The following KCNT2 variants were observed in gnomAD, a reference collection of about 807,000 sequenced individuals.
The protein encoded by KCNT2 is potassium sodium-activated channel subfamily T member 2, also known as potassium channel subfamily T member 2.
In KCNT2, 67 loss-of-function variants were observed where a neutral mutation model predicts 153.8. That is an observed-to-expected ratio of 0.44 (90% CI 0.36 to 0.53). The LOEUF is 0.53. KCNT2 is among the 20% of genes least tolerant of loss of function. The pLI is 0.00. For missense variants in KCNT2, 975 were observed against 1,354.8 expected (o/e 0.72, Z 4.40); for synonymous variants, 500 against 458.8 (o/e 1.09, Z -1.15).
At chr1:196,511,128 C>G (rs1216331375) in intron 1 of KCNT2, among the ~76,000 whole-genome samples, 1 of 147,768 alleles carries the variant, frequency 6.8e-6, no homozygotes, top group African/African-American at 2.5e-5. Context: ...CACACACACA[C>G]ACACACACAC....
chr1:196,515,585 T>G (rs1045796507), intron 1 of KCNT2, among the ~76,000 whole-genome samples: 3 of 152,152 alleles, frequency 2.0e-5, no homozygotes, highest in African/African-American at 7.2e-5. Flanking sequence ...TGTAAAGCAA[T>G]TTTACTTTAA....
At chr1:196,584,871 C>T (rs995807095) in intron 1 of KCNT2, among the ~76,000 whole-genome samples, 1 of 151,858 alleles carries the variant, frequency 6.6e-6, no homozygotes, top group South Asian at 2.1e-4. Context: ...AGACTTTGCC[C>T]AGGGTTCCAA....
intron 1 of KCNT2, among the ~76,000 whole-genome samples, chr1:196,511,650 T>C (rs1681640415): frequency 6.6e-6 from 1 of 152,150 alleles, no homozygotes; most frequent in African/African-American, 2.4e-5. Context: ...GTAGGGCTGA[T>C]TTTTCTTGAG....
intron 9 of KCNT2, 50 bp downstream of exon 9, chr1:196,429,527 A>G (rs747199153): frequency 2.4e-6 from 3 of 1,242,446 alleles, no homozygotes; most frequent in East Asian, 2.4e-5. Flanking sequence ...TGGAGGATTC[A>G]ATTTCATGTC....
At chr1:196,286,630 CACACACAT>C (rs1297764604) in intron 22 of KCNT2, among the ~76,000 whole-genome samples, 6 of 139,492 alleles carry the variant, frequency 4.3e-5, no homozygotes, top group African/African-American at 1.6e-4. Context: ...CACACACACA[CACACACAT>C]ACACACACAC....
chr1:196,348,731 T>G (rs995483195), intron 14 of KCNT2, among the ~76,000 whole-genome samples: 2 of 151,974 alleles, frequency 1.3e-5, no homozygotes, highest in African/African-American at 4.8e-5. Context: ...TGTTTAATAT[T>G]TGAAAGAATC....
chr1:196,250,987 T>C (rs577133151), intron 26 of KCNT2, among the ~76,000 whole-genome samples: 1 of 152,094 alleles, frequency 6.6e-6, no homozygotes, highest in Non-Finnish European at 1.5e-5. Flanking sequence ...CTGACGAGGA[T>C]ATGGAGTAAA....
intron 1 of KCNT2, among the ~76,000 whole-genome samples, chr1:196,535,942 G>C (rs1015044239): frequency 6.6e-6 from 1 of 152,164 alleles, no homozygotes; most frequent in African/African-American, 2.4e-5. Flanking sequence ...TCAGAAAGCC[G>C]CCTTGGCCTG....
At chr1:196,438,571 C>T (rs1044657644) in intron 8 of KCNT2, among the ~76,000 whole-genome samples, 7 of 151,722 alleles carry the variant, frequency 4.6e-5, no homozygotes. Context: ...ATTAGTTGAC[C>T]TTTGGAGGGT....
At chr1:196,255,102 A>G (rs775277871) in intron 26 of KCNT2, among the ~76,000 whole-genome samples, 2 of 151,662 alleles carry the variant, frequency 1.3e-5, no homozygotes, top group East Asian at 1.9e-4. Context: ...ATCCATCAAT[A>G]GATAACAAAG....
intron 12 of KCNT2, among the ~76,000 whole-genome samples, chr1:196,400,682 C>T (rs1671335220): frequency 6.6e-6 from 1 of 151,620 alleles, no homozygotes; most frequent in African/African-American, 2.4e-5. Context: ...CTGACACCAG[C>T]AAGAAATGTA....
chr1:196,325,954 T>C (rs950906646), intron 19 of KCNT2, among the ~76,000 whole-genome samples: 2 of 152,126 alleles, frequency 1.3e-5, no homozygotes, highest in African/African-American at 2.4e-5. Context: ...TGGCCTCATT[T>C]AGTAATAGTT....
chr1:196,262,491 C>G (rs544308316), intron 25 of KCNT2, among the ~76,000 whole-genome samples: 26 of 151,966 alleles, frequency 1.7e-4, no homozygotes, highest in Non-Finnish European at 3.4e-4. Flanking sequence ...AACATTTTCT[C>G]AAAGAATCCT....
chr1:196,579,739 C>T (rs961691487), intron 1 of KCNT2, among the ~76,000 whole-genome samples: 6 of 151,970 alleles, frequency 3.9e-5, no homozygotes, highest in African/African-American at 1.4e-4. Context: ...GTGATCCACC[C>T]ACCTCTCCCT....
intron 8 of KCNT2, among the ~76,000 whole-genome samples, chr1:196,450,180 G>A (rs575269312): frequency 4.0e-5 from 6 of 151,866 alleles, no homozygotes; most frequent in African/African-American, 1.4e-4. Context: ...TACCATAGGT[G>A]AAGACCCTAT....
chr1:196,371,938 C>T (rs940503679), intron 14 of KCNT2, among the ~76,000 whole-genome samples: 5 of 151,912 alleles, frequency 3.3e-5, no homozygotes, highest in African/African-American at 4.8e-5. Context: ...GAAGACGTTA[C>T]GGAAAAATAA....
chr1:196,334,289 G>C (rs1395890472), intron 16 of KCNT2, among the ~76,000 whole-genome samples: 4 of 151,920 alleles, frequency 2.6e-5, no homozygotes. Flanking sequence ...TGTATTTGCA[G>C]AGTGTTGTTC....
intron 8 of KCNT2, among the ~76,000 whole-genome samples, chr1:196,438,861 T>C (rs1446706548): frequency 6.6e-6 from 1 of 151,898 alleles, no homozygotes; most frequent in African/African-American, 2.4e-5. Context: ...TTTAAAATAG[T>C]AATATTTTGA....
At chr1:196,602,535 G>C (rs986538982) in intron 1 of KCNT2, among the ~76,000 whole-genome samples, 3 of 152,054 alleles carry the variant, frequency 2.0e-5, no homozygotes, top group Admixed American at 6.6e-5. Context: ...ACCAAATGCA[G>C]AAAGTGGCTA....
Sources: allele counts gnomAD v4.1 joint callset (sites outside exome capture counted in the v4.1 genomes callset), GRCh38; gene constraint gnomAD v4.1.1; transcripts MANE v1.5; gene names NCBI Gene and HGNC (gene_info 2026-07-23, HGNC 2026-07-21).